The following CCDC63 variants were observed in gnomAD, a reference collection of about 807,000 sequenced individuals.
The protein encoded by CCDC63 is coiled-coil domain-containing protein 63.
Under a neutral mutation model 63.6 loss-of-function variants are expected in CCDC63, and 54 were observed. The ratio of observed to expected loss-of-function variants is 0.85; its 90% CI spans 0.68 to 1.07. CCDC63 has a LOEUF of 1.07. Ranked by LOEUF, CCDC63 falls within the 50% of genes least tolerant of loss-of-function variation. The pLI, the probability that CCDC63 is intolerant of heterozygous loss-of-function variation, is 0.00. For missense variants in CCDC63, 637 were observed against 689.6 expected (o/e 0.92, Z 0.86); for synonymous variants, 253 against 266.1 (o/e 0.95, Z 0.48).
chr12:110,899,253 T>A, intron 10 of CCDC63, 128 bp downstream of exon 10: 1 of 764,832 alleles, frequency 1.3e-6, no homozygotes, highest in Non-Finnish European at 2.1e-6. Context: ...AAAGCCAGCC[T>A]GCCTGGGTTT....
upstream of CCDC63, chr12:110,846,653 G>A (rs1250581810): frequency 6.6e-6 from 1 of 152,278 alleles, no homozygotes; most frequent in African/African-American, 2.4e-5. Flanking sequence ...ATGAGTGTAG[G>A]TGTAGGCTAA....
At chr12:110,871,048 G>C (rs2071058968) in intron 4 of CCDC63, among the ~76,000 whole-genome samples, 1 of 152,184 alleles carries the variant, frequency 6.6e-6, no homozygotes, top group Non-Finnish European at 1.5e-5. Flanking sequence ...TTTCCATCCA[G>C]AGACTTTGAA....
intron 9 of CCDC63, among the ~76,000 whole-genome samples, chr12:110,896,640 C>T (rs1034855208): frequency 6.6e-6 from 1 of 152,124 alleles, no homozygotes; most frequent in African/African-American, 2.4e-5. Flanking sequence ...AAGGAAATAC[C>T]CTAGAACAGT....
In CCDC63 at chr12:110,890,763, T is replaced by TC. The variant is rs2071346002; in HGVS notation, c.1075-2311dup. Among the ~76,000 whole-genome samples the TC allele has an allele frequency of 1.4e-5, 2 of 146,488 alleles. 1 individual carries two copies. The highest frequency in any genetic ancestry group is 1.4e-4 in the Admixed American group (2 of 14,166). On this transcript the variant is annotated intron_variant, in intron 8 of 11. Transcript: ENST00000308208. ...TACCTCCCAACATCTTCTATTTTTT[T>TC]CCTCCTTTTCTTTTTTTTTTTTTTT...
chr12:110,869,303 A>G (rs1235521328), intron 4 of CCDC63, among the ~76,000 whole-genome samples: 1 of 152,168 alleles, frequency 6.6e-6, no homozygotes, highest in African/African-American at 2.4e-5. Context: ...ACAAACAGGA[A>G]CAAACCAAGT....
chr12:110,877,366 C>T (rs2071144343), intron 5 of CCDC63, among the ~76,000 whole-genome samples: 1 of 151,896 alleles, frequency 6.6e-6, no homozygotes, highest in Non-Finnish European at 1.5e-5. Flanking sequence ...GTGTGCGCCA[C>T]CACACCCAGC....
At chr12:110,905,724 T>C (rs904221485) in intron 11 of CCDC63, among the ~76,000 whole-genome samples, 2 of 148,800 alleles carry the variant, frequency 1.3e-5, no homozygotes, top group African/African-American at 5.0e-5. Context: ...AGTTGCACAA[T>C]TGTCTGGGCA....
chr12:110,895,763 A>T (rs972643741), intron 9 of CCDC63, among the ~76,000 whole-genome samples: 3 of 152,202 alleles, frequency 2.0e-5, no homozygotes, highest in Non-Finnish European at 2.9e-5. Flanking sequence ...CATTTGGCAC[A>T]CTGTAATGCA....
intron 8 of CCDC63, among the ~76,000 whole-genome samples, chr12:110,890,859 C>T (rs2071348790): frequency 6.7e-6 from 1 of 150,140 alleles, no homozygotes; most frequent in East Asian, 2.0e-4. Flanking sequence ...TCATTGCAAC[C>T]TCCGCCTCCT....
At chr12:110,853,878 C>G (rs999078085) in intron 3 of CCDC63, among the ~76,000 whole-genome samples, 1 of 152,174 alleles carries the variant, frequency 6.6e-6, no homozygotes, top group African/African-American at 2.4e-5. Flanking sequence ...TGTTTTTCTC[C>G]GCACATGACT....
At chr12:110,888,101 C>CA (rs904085014) in intron 8 of CCDC63, among the ~76,000 whole-genome samples, 2 of 152,240 alleles carry the variant, frequency 1.3e-5, no homozygotes, top group African/African-American at 4.8e-5. Flanking sequence ...TCTTCGCTCA[C>CA]AGAGACCAGC....
intron 10 of CCDC63, among the ~76,000 whole-genome samples, chr12:110,900,709 C>T (rs1199652505): frequency 6.6e-6 from 1 of 151,902 alleles, no homozygotes; most frequent in Non-Finnish European, 1.5e-5. Flanking sequence ...AAGTGATTCT[C>T]CTGCCTCAGC....
At chr12:110,901,399 AT>A (rs200908673) in intron 10 of CCDC63, among the ~76,000 whole-genome samples, 7 of 150,530 alleles carry the variant, frequency 4.7e-5, no homozygotes, top group African/African-American at 1.2e-4. Flanking sequence ...ATTTATTTTT[AT>A]TTTTTTTTGT....
chr12:110,867,243 C>A (rs2070972501), intron 4 of CCDC63, among the ~76,000 whole-genome samples: 1 of 122,798 alleles, frequency 8.1e-6, no homozygotes. Flanking sequence ...CCACCTCCCT[C>A]CCGGACGGGG....
intron 3 of CCDC63, among the ~76,000 whole-genome samples, chr12:110,856,087 CTTT>C (rs540538418): frequency 1.5e-5 from 2 of 130,380 alleles, no homozygotes; most frequent in Non-Finnish European, 3.3e-5. Context: ...TTTTTTTTTT[CTTT>C]TTTTTTTTTT....
chr12:110,854,983 G>A (rs1258227575), intron 3 of CCDC63, among the ~76,000 whole-genome samples: 1 of 151,436 alleles, frequency 6.6e-6, no homozygotes, highest in African/African-American at 2.4e-5. Context: ...TATCGATGGG[G>A]TTTCACCAAG....
chr12:110,897,666 T>C (rs2071430691), intron 9 of CCDC63, among the ~76,000 whole-genome samples: 1 of 151,616 alleles, frequency 6.6e-6, no homozygotes, highest in Non-Finnish European at 1.5e-5. Context: ...TAAATCTACA[T>C]ACACAACATA....
chr12:110,866,482 T>C (rs918066509), intron 4 of CCDC63, among the ~76,000 whole-genome samples: 2 of 142,642 alleles, frequency 1.4e-5, no homozygotes, highest in Non-Finnish European at 3.1e-5. Context: ...GCAGTGTTTG[T>C]GTCCCTGATT....
At chr12:110,866,290 G>A (rs963944351) in intron 4 of CCDC63, among the ~76,000 whole-genome samples, 7 of 147,484 alleles carry the variant, frequency 4.7e-5, no homozygotes, top group Admixed American at 1.4e-4. Context: ...AAGATAAACC[G>A]TAATTTGCTT....
Sources: allele counts gnomAD v4.1 joint callset (sites outside exome capture counted in the v4.1 genomes callset), GRCh38; gene constraint gnomAD v4.1.1; transcripts MANE v1.5; gene names NCBI Gene and HGNC (gene_info 2026-07-23, HGNC 2026-07-21).